The following CLYBL variants were observed in gnomAD, a reference collection of about 807,000 sequenced individuals.
The protein encoded by CLYBL is citramalyl-CoA lyase.
CLYBL carries 31 observed loss-of-function variants against 38.9 expected under a neutral mutation model. The ratio of observed to expected loss-of-function variants is 0.80; its 90% CI spans 0.60 to 1.08. The LOEUF (loss-of-function observed/expected upper bound fraction) is 1.08, where lower values mean the gene tolerates loss of function less well. CLYBL is among the 50% of genes least tolerant of loss of function. CLYBL has a pLI of 0.00. For missense variants in CLYBL, 434 were observed against 411.6 expected (o/e 1.05, Z -0.47); for synonymous variants, 171 against 158.6 (o/e 1.08, Z -0.59).
chr13:99,720,740 T>A (rs759805786), intron 1 of CLYBL, among the ~76,000 whole-genome samples: 39 of 152,238 alleles, frequency 2.6e-4, no homozygotes, highest in Non-Finnish European at 5.1e-4. Flanking sequence ...AGAAAAATTG[T>A]TCTTTTTTCA....
At chr13:99,624,025 A>G (rs1008800467) in intron 1 of CLYBL, among the ~76,000 whole-genome samples, 20 of 152,202 alleles carry the variant, frequency 1.3e-4, no homozygotes, top group Non-Finnish European at 2.5e-4. Context: ...TGTAGTTCAT[A>G]AGAACACCAA....
At chr13:99,858,545 C>G (rs2051514989) in intron 2 of CLYBL, among the ~76,000 whole-genome samples, 1 of 152,204 alleles carries the variant, frequency 6.6e-6, no homozygotes, top group South Asian at 2.1e-4. Context: ...TGAAAACTTA[C>G]CCATTAACTA....
At chr13:99,833,030 A>ATTTT (rs869061868) in intron 2 of CLYBL, among the ~76,000 whole-genome samples, 8 of 35,866 alleles carry the variant, frequency 2.2e-4, no homozygotes, top group African/African-American at 8.4e-4. Flanking sequence ...ATATATATAT[A>ATTTT]TTTTTTTTTT....
chr13:99,889,715 A>C (rs1237673203), intron 7 of CLYBL, among the ~76,000 whole-genome samples: 1 of 151,970 alleles, frequency 6.6e-6, no homozygotes, highest in Non-Finnish European at 1.5e-5. Context: ...TAAATCCCAA[A>C]AGTCATTGCT....
At chr13:99,818,020 A>AGAAG (rs951163939) in intron 2 of CLYBL, among the ~76,000 whole-genome samples, 1 of 149,672 alleles carries the variant, frequency 6.7e-6, no homozygotes. Context: ...AGGAAGGAAG[A>AGAAG]GAAGGAAGGA....
intron 1 of CLYBL, among the ~76,000 whole-genome samples, chr13:99,762,564 TATA>T (rs1319935519): frequency 6.6e-6 from 1 of 152,220 alleles, no homozygotes; most frequent in African/African-American, 2.4e-5. Flanking sequence ...CTGATTTGGT[TATA>T]ATAACTTTGT....
chr13:99,713,931 G>A (rs1176033758), intron 1 of CLYBL, among the ~76,000 whole-genome samples: 3 of 151,458 alleles, frequency 2.0e-5, no homozygotes, highest in Non-Finnish European at 4.4e-5. Flanking sequence ...CAAGCAATTT[G>A]CTTTCAGCTT....
chr13:99,895,936 C>T (rs1408891116), downstream of CLYBL: 1 of 152,088 alleles, frequency 6.6e-6, no homozygotes, highest in Non-Finnish European at 1.5e-5. Context: ...CTGTAAGTGA[C>T]CGGCTGGGTT....
intron 2 of CLYBL, among the ~76,000 whole-genome samples, chr13:99,839,823 T>TACAA (rs2051025422): frequency 6.6e-6 from 1 of 152,160 alleles, no homozygotes; most frequent in African/African-American, 2.4e-5. Flanking sequence ...TCCTTTGTAT[T>TACAA]ACAAACAATC....
At chr13:99,664,370 G>T (rs2047450432) in intron 1 of CLYBL, among the ~76,000 whole-genome samples, 2 of 152,220 alleles carry the variant, frequency 1.3e-5, no homozygotes, top group Non-Finnish European at 1.5e-5. Context: ...ATACTTTCAA[G>T]CCAGTTGCAA....
At chr13:99,745,787 CTG>C (rs1393393089) in intron 1 of CLYBL, among the ~76,000 whole-genome samples, 4 of 151,840 alleles carry the variant, frequency 2.6e-5, no homozygotes, top group South Asian at 2.1e-4. Context: ...TAGACTCAGA[CTG>C]TGTTTTTTTC....
chr13:99,617,630 C>T (rs1397883941), intron 1 of CLYBL, among the ~76,000 whole-genome samples: 1 of 51,368 alleles, frequency 1.9e-5, no homozygotes, highest in African/African-American at 6.4e-5. Context: ...GCTGCCCTCA[C>T]GAACGCCTTT....
At chr13:99,839,479 G>A (rs2051016826) in intron 2 of CLYBL, among the ~76,000 whole-genome samples, 1 of 152,150 alleles carries the variant, frequency 6.6e-6, no homozygotes, top group Non-Finnish European at 1.5e-5. Context: ...CCAAGACTCT[G>A]ATTCTGTGAT....
intron 8 of CLYBL, 187 bp downstream of exon 8, chr13:99,891,624 T>A (rs576128154): frequency 3.9e-6 from 2 of 516,336 alleles, no homozygotes; most frequent in African/African-American, 3.8e-5. Flanking sequence ...TCCAAGCTTA[T>A]GATTTTATCA....
intron 1 of CLYBL, among the ~76,000 whole-genome samples, chr13:99,670,085 G>A (rs559978215): frequency 5.9e-5 from 9 of 152,026 alleles, no homozygotes; most frequent in Non-Finnish European, 1.0e-4. Flanking sequence ...TGTAGTCCCA[G>A]CTACTCAAGA....
At chr13:99,678,248 G>A (rs2047683202) in intron 1 of CLYBL, among the ~76,000 whole-genome samples, 1 of 152,216 alleles carries the variant, frequency 6.6e-6, no homozygotes, top group Non-Finnish European at 1.5e-5. Flanking sequence ...CTGCGGCAGA[G>A]TTGTGTTACA....
chr13:99,671,457 A>G (rs1043462914), intron 1 of CLYBL, among the ~76,000 whole-genome samples: 1 of 152,076 alleles, frequency 6.6e-6, no homozygotes, highest in African/African-American at 2.4e-5. Context: ...AAGGCAAGGG[A>G]GAGACTGAAA....
intron 1 of CLYBL, among the ~76,000 whole-genome samples, chr13:99,663,771 C>A (rs182000185): frequency 5.9e-5 from 9 of 152,304 alleles, no homozygotes; most frequent in Admixed American, 2.6e-4. Context: ...CTGCTGCGTC[C>A]TCACTAAATC....
At chr13:99,864,275 G>A (rs1478968958) in intron 4 of CLYBL, among the ~76,000 whole-genome samples, 3 of 152,130 alleles carry the variant, frequency 2.0e-5, no homozygotes, top group African/African-American at 7.2e-5. Context: ...TACGACGAAT[G>A]GTATTTGCCT....
Sources: gnomAD v4.1 joint callset for allele counts (sites outside exome capture counted in the v4.1 genomes callset) on GRCh38, gnomAD v4.1.1 for gene constraint, MANE v1.5 for transcripts, NCBI Gene and HGNC (gene_info 2026-07-23, HGNC 2026-07-21) for gene names.